The following AGMO variants were observed in gnomAD, a reference collection of about 807,000 sequenced individuals.
The protein encoded by AGMO is glyceryl-ether monooxygenase.
A neutral mutation model predicts 60.2 loss-of-function variants in AGMO; 75 were observed. That is an observed-to-expected ratio of 1.25 (90% CI 1.03 to 1.51). The LOEUF (loss-of-function observed/expected upper bound fraction) is 1.51. Among genes scored for constraint, AGMO ranks in the 40% most tolerant of loss-of-function variants. The pLI is 0.00. For synonymous variants in AGMO, 261 were observed against 177.1 expected (o/e 1.47, Z -3.76); for missense variants, 763 against 525.5 (o/e 1.45, Z -4.42).
intron 3 of AGMO, among the ~76,000 whole-genome samples, chr7:15,441,363 A>C (rs980145393): frequency 2.0e-5 from 3 of 152,226 alleles, no homozygotes; most frequent in African/African-American, 7.2e-5. Context: ...TCTTTTATCT[A>C]CTTAATGAAA....
chr7:15,352,663 C>T (rs1047664932), intron 12 of AGMO, among the ~76,000 whole-genome samples: 1 of 151,778 alleles, frequency 6.6e-6, no homozygotes, highest in Non-Finnish European at 1.5e-5. Flanking sequence ...AGCTTACAGG[C>T]AACAGCAAGC....
intron 3 of AGMO, among the ~76,000 whole-genome samples, chr7:15,475,833 T>C (rs1449345081): frequency 6.6e-6 from 1 of 151,966 alleles, no homozygotes; most frequent in Non-Finnish European, 1.5e-5. Context: ...TATTTGAAAG[T>C]AGGATTAAAA....
At chr7:15,539,493 A>G (rs1784566258) in intron 3 of AGMO, among the ~76,000 whole-genome samples, 1 of 152,132 alleles carries the variant, frequency 6.6e-6, no homozygotes, top group Non-Finnish European at 1.5e-5. Flanking sequence ...ATGACTGCAT[A>G]GTATTCCATA....
chr7:15,214,283 C>A (rs1169049091), intron 12 of AGMO, among the ~76,000 whole-genome samples: 1 of 151,900 alleles, frequency 6.6e-6, no homozygotes, highest in East Asian at 1.9e-4. Flanking sequence ...AAATGTGTTT[C>A]TGATTATGTC....
intron 4 of AGMO, among the ~76,000 whole-genome samples, chr7:15,422,050 A>G (rs1404628653): frequency 1.3e-5 from 2 of 152,070 alleles, no homozygotes; most frequent in Non-Finnish European, 2.9e-5. Context: ...TAGGAACTGA[A>G]AAAAAATAAG....
At chr7:15,320,407 G>A (rs965587521) in intron 12 of AGMO, among the ~76,000 whole-genome samples, 3 of 151,774 alleles carry the variant, frequency 2.0e-5, no homozygotes, top group African/African-American at 7.3e-5. Context: ...CTTTCCCAAT[G>A]TTTCTCATAC....
At position 15,544,916 on chromosome 7, in the gene AGMO, A is replaced by G; in HGVS notation, c.265T>C (p.Phe89Leu). 1 of 1,528,698 alleles carries G rather than the reference A, an allele frequency of 6.5e-7. No individual in the cohort carries two copies. Among genetic ancestry groups the G allele is most frequent in the Non-Finnish European group, 8.8e-7 (1 of 1,136,426 alleles). The allele number at this position is 1,528,698 out of a possible 1,614,324, so 94.7% of individuals were successfully genotyped here. Residue 89 changes from phenylalanine (F) to leucine (L), a missense_variant, in exon 3 of 13, where the codon TTC becomes CTC. Coordinates refer to ENST00000342526, the MANE Select transcript of AGMO (RefSeq NM_001004320.2). ...TAACTGGTCAGTTCAATGCTCCTGAAAAATAGACTGGAAGATAAAATTCAC... is the reference window on the plus strand; with the variant it reads ...TAACTGGTCAGTTCAATGCTCCTGAGAAATAGACTGGAAGATAAAATTCAC... ...GVLSRLPSLF[F>L]RSIELTSYIY...
At chr7:15,376,959 T>A (rs1326145116) in intron 10 of AGMO, among the ~76,000 whole-genome samples, 1 of 152,102 alleles carries the variant, frequency 6.6e-6, no homozygotes, top group Non-Finnish European at 1.5e-5. Context: ...CCAAAGTTAT[T>A]TATATAGAAC....
Position 15,512,711 on chromosome 7 carries a change from GA to G in AGMO, c.409+32060del, listed in dbSNP as rs557614291. Among the ~76,000 whole-genome samples the G allele has an allele frequency of 1.6e-4, 25 of 152,132 alleles. No homozygotes were observed. The South Asian group carries it at 5.2e-3, about 32-fold the overall frequency. On this transcript the variant is annotated intron_variant, in intron 3 of 12. Transcript: ENST00000342526. ...TGGTATTCTCAGATAATATTTTCTA[GA>G]AATTTTTCTATTTCAATGTATTTTT...
the AGMO span, among the ~76,000 whole-genome samples, chr7:15,152,454 T>C: frequency 1.3e-5 from 2 of 152,132 alleles, no homozygotes; most frequent in Non-Finnish European, 2.9e-5. Context: ...GCAGTGCACA[T>C]TGTACCCAGT....
intron 3 of AGMO, among the ~76,000 whole-genome samples, chr7:15,468,812 C>T (rs1413547973): frequency 6.6e-6 from 1 of 151,938 alleles, no homozygotes; most frequent in Non-Finnish European, 1.5e-5. Flanking sequence ...TTGAGGTAAT[C>T]CGGGCAGAGA....
intron 12 of AGMO, among the ~76,000 whole-genome samples, chr7:15,288,683 A>G (rs1276629149): frequency 6.6e-6 from 1 of 151,830 alleles, no homozygotes; most frequent in Admixed American, 6.6e-5. Flanking sequence ...TTTCAGTTTA[A>G]TTTTAATCAC....
chr7:15,278,864 G>A (rs768258515), intron 12 of AGMO, among the ~76,000 whole-genome samples: 17 of 152,096 alleles, frequency 1.1e-4, no homozygotes, highest in African/African-American at 1.7e-4. Context: ...ACTCACATGG[G>A]GACAGGGTGA....
intron 5 of AGMO, among the ~76,000 whole-genome samples, chr7:15,411,164 C>T (rs1039405373): frequency 6.6e-6 from 1 of 152,002 alleles, no homozygotes; most frequent in Admixed American, 6.6e-5. Flanking sequence ...TGCTTGCCCT[C>T]TGCCATGTTA....
At chr7:15,485,590 C>T (rs1782897897) in intron 3 of AGMO, among the ~76,000 whole-genome samples, 1 of 152,118 alleles carries the variant, frequency 6.6e-6, no homozygotes, top group Non-Finnish European at 1.5e-5. Context: ...CAACCCATTT[C>T]TTCAAGCATA....
intron 3 of AGMO, among the ~76,000 whole-genome samples, chr7:15,542,387 C>T (rs1784652510): frequency 6.6e-6 from 1 of 152,018 alleles, no homozygotes; most frequent in African/African-American, 2.4e-5. Context: ...GCCTTGATGC[C>T]ACATTTTTAA....
chr7:15,243,543 G>A (rs913744217), intron 12 of AGMO, among the ~76,000 whole-genome samples: 1 of 152,136 alleles, frequency 6.6e-6, no homozygotes, highest in Non-Finnish European at 1.5e-5. Context: ...ACACTAAGCT[G>A]AGATGAGTTT....
chr7:15,461,654 A>G (rs1431503093), intron 3 of AGMO, among the ~76,000 whole-genome samples: 1 of 152,054 alleles, frequency 6.6e-6, no homozygotes, highest in African/African-American at 2.4e-5. Context: ...GTCTTTTGGT[A>G]TTTGTTGATC....
intron 12 of AGMO, among the ~76,000 whole-genome samples, chr7:15,243,129 A>G (rs1782640847): frequency 6.6e-6 from 1 of 150,438 alleles, no homozygotes; most frequent in African/African-American, 2.4e-5. Context: ...TTAATATATA[A>G]GACTTATTAA....
Sources: gnomAD v4.1 joint callset for allele counts (sites outside exome capture counted in the v4.1 genomes callset) on GRCh38, gnomAD v4.1.1 for gene constraint, MANE v1.5 for transcripts, NCBI Gene and HGNC (gene_info 2026-07-23, HGNC 2026-07-21) for gene names.